The following DPP4 variants were observed in gnomAD, a reference collection of about 807,000 sequenced individuals.
The protein encoded by DPP4 is ADCP-2.
A neutral mutation model predicts 122.4 loss-of-function variants in DPP4; 93 were observed. The observed-to-expected ratio is 0.76, with a 90% confidence interval of 0.64 to 0.90. DPP4 has a LOEUF of 0.90. Ranked by LOEUF, DPP4 falls within the 40% of genes least tolerant of loss-of-function variation. The probability of loss-of-function intolerance (pLI) is 0.00; values close to 1 mark genes in which losing one functional copy is unlikely to be tolerated. For missense variants in DPP4, 914 were observed against 907.3 expected (o/e 1.01, Z -0.09); for synonymous variants, 321 against 302.9 (o/e 1.06, Z -0.62).
chr2:162,059,095 A>G (rs1684671782), intron 2 of DPP4, among the ~76,000 whole-genome samples: 1 of 152,224 alleles, frequency 6.6e-6, no homozygotes, highest in South Asian at 2.1e-4. Context: ...ACATGTTGGT[A>G]AAGAAATGCA....
intron 10 of DPP4, among the ~76,000 whole-genome samples, chr2:162,029,763 G>C (rs527329003): frequency 8.5e-5 from 13 of 152,088 alleles, no homozygotes; most frequent in Admixed American, 2.0e-4. Context: ...CAGATGTTGG[G>C]TGGGGTTACT....
At chr2:161,995,863 T>C (rs1390697538) in intron 23 of DPP4, among the ~76,000 whole-genome samples, 1 of 152,176 alleles carries the variant, frequency 6.6e-6, no homozygotes, top group African/African-American at 2.4e-5. Flanking sequence ...TGAACTTTGG[T>C]CCACATTGCT....
intron 2 of DPP4, among the ~76,000 whole-genome samples, chr2:162,066,043 G>C (rs1684935761): frequency 6.6e-6 from 1 of 152,102 alleles, no homozygotes; most frequent in South Asian, 2.1e-4. Context: ...CCTTGAAAGG[G>C]GAAGGCTGAT....
chr2:162,070,224 G>A (rs1446856436), intron 2 of DPP4, among the ~76,000 whole-genome samples: 1 of 152,148 alleles, frequency 6.6e-6, no homozygotes, highest in Admixed American at 6.5e-5. Flanking sequence ...ACAGAAGAGG[G>A]TGAACTTTTG....
chr2:162,035,508 T>C (rs1484098137), intron 8 of DPP4, among the ~76,000 whole-genome samples, 184 bp from the exon 9 acceptor site: 1 of 152,200 alleles, frequency 6.6e-6, no homozygotes, highest in Non-Finnish European at 1.5e-5. Flanking sequence ...TTCAAGGATA[T>C]ATCTGGATTG....
Position 162,038,419 on chromosome 2 carries a change from A to G in DPP4, c.496T>C (p.Tyr166His), listed in dbSNP as rs1683865395. Residue 166 changes from tyrosine (Y) to histidine (H), a missense_variant, in exon 8 of 26, where the codon TAT becomes CAT. Physicochemically the swap from Tyr to His is moderately conservative, Grantham distance 83. Transcript: ENST00000360534. ...TWSPVGHKLA[Y>H]VWNNDIYVKI... is the part of the protein sequence containing the mutation. The stretch of plus-strand genomic sequence containing the variant: ...ACATAAATGTCATTGTTCCAAACAT[A>G]TGCCTAGAAGGAAAAAAAACAAGCA... 1 of 1,598,860 alleles carries G rather than the reference A, an allele frequency of 6.3e-7. No individual in the cohort carries two copies. Among genetic ancestry groups the G allele is most frequent in the South Asian group, 1.1e-5 (1 of 87,532 alleles).
chr2:161,994,089 C>T (rs968935039), intron 25 of DPP4, among the ~76,000 whole-genome samples: 2 of 151,956 alleles, frequency 1.3e-5, no homozygotes, highest in Admixed American at 6.6e-5. Flanking sequence ...AAGTCATTAC[C>T]GGGCAAACAT....
At chr2:162,043,584 C>T (rs1032905130) in intron 5 of DPP4, among the ~76,000 whole-genome samples, 2 of 152,158 alleles carry the variant, frequency 1.3e-5, no homozygotes, top group Non-Finnish European at 2.9e-5. Context: ...CATCAAATGG[C>T]TTTTGTTGAA....
At chr2:162,060,641 TA>T (rs1260966705) in intron 2 of DPP4, among the ~76,000 whole-genome samples, 1 of 152,202 alleles carries the variant, frequency 6.6e-6, no homozygotes, top group African/African-American at 2.4e-5. Context: ...ATTCCTCCTT[TA>T]CAGCAAAAGC....
chr2:162,058,383 G>A (rs1186297958), intron 2 of DPP4, among the ~76,000 whole-genome samples: 1 of 152,100 alleles, frequency 6.6e-6, no homozygotes, highest in Non-Finnish European at 1.5e-5. Context: ...ATAGCAATCT[G>A]TAACCAACAA....
At chr2:162,060,492 G>A (rs529223029) in intron 2 of DPP4, among the ~76,000 whole-genome samples, 27 of 152,150 alleles carry the variant, frequency 1.8e-4, no homozygotes, top group South Asian at 2.1e-4. Flanking sequence ...AAGTAGTCAC[G>A]TAAGCTTTAA....
At chr2:161,994,384 T>C (rs972823415) in intron 25 of DPP4, among the ~76,000 whole-genome samples, 1 of 152,132 alleles carries the variant, frequency 6.6e-6, no homozygotes, top group Non-Finnish European at 1.5e-5. Flanking sequence ...ATGCAGAAAA[T>C]GAATTTGACA....
chr2:162,031,583 C>A (rs900974416), intron 10 of DPP4, among the ~76,000 whole-genome samples: 54 of 152,140 alleles, frequency 3.5e-4, no homozygotes, highest in African/African-American at 1.1e-3. Context: ...CTTTTCCATA[C>A]TCTGTTTTTT....
intron 18 of DPP4, 138 bp from the exon 19 acceptor site, chr2:162,014,603 C>T (rs190737560): frequency 1.2e-4 from 70 of 607,512 alleles, no homozygotes; most frequent in Non-Finnish European, 1.7e-4. Context: ...AAATGAACTG[C>T]TTGGATTCAG....
At chr2:162,045,207 A>T (rs955107966) in intron 5 of DPP4, among the ~76,000 whole-genome samples, 1 of 152,166 alleles carries the variant, frequency 6.6e-6, no homozygotes, top group African/African-American at 2.4e-5. Context: ...GGGTTCTGTC[A>T]TTAGGTGTAC....
In DPP4 at chr2:162,016,872, GAAAT is replaced by G. The variant is rs1286558685; in HGVS notation, c.1469-10_1469-7del. On this transcript the variant is annotated splice_region_variant and splice_polypyrimidine_tract_variant and intron_variant, in intron 17 of 25. Coordinates refer to ENST00000360534, the MANE Select transcript of DPP4 (RefSeq NM_001935.4). Reference sequence around the variant, plus strand: ...GTCTTCCAGGACTCTCAGCCCTAAAGAAATACAGGAGACAGCAGTCATTCATTAC... The same window carrying G: ...GTCTTCCAGGACTCTCAGCCCTAAAGACAGGAGACAGCAGTCATTCATTAC... The G allele has an allele frequency of 6.2e-7, 1 of 1,606,574 alleles. No homozygotes were observed. Among genetic ancestry groups the G allele is most frequent in the Non-Finnish European group, 8.5e-7 (1 of 1,177,384 alleles).
At chr2:162,007,664 G>A (rs1016365792) in intron 22 of DPP4, among the ~76,000 whole-genome samples, 2 of 152,004 alleles carry the variant, frequency 1.3e-5, no homozygotes, top group African/African-American at 2.4e-5. Context: ...CCAAAAACAA[G>A]CCATCCAACA....
In DPP4 at chr2:161,993,378, TATACCAC is replaced by T; in HGVS notation, c.2200-1_2205del. The T allele has an allele frequency of 6.2e-7, 1 of 1,608,794 alleles. No homozygotes were observed. The highest frequency in any genetic ancestry group is 8.5e-7 in the Non-Finnish European group (1 of 1,175,492). On this transcript the variant is annotated splice_acceptor_variant and coding_sequence_variant, in exon 26 of 26. Transcript: ENST00000360534. LOFTEE classifies it high-confidence loss of function. Reference sequence around the variant, plus strand: ...CTAGCTATTCCATGGTCTTCATCAGTATACCACTAGAGAGAGAAAGAAAAGAAGTTAG... The same window carrying T: ...CTAGCTATTCCATGGTCTTCATCAGTTAGAGAGAGAAAGAAAAGAAGTTAG...
chr2:162,018,416 T>C (rs778263603), intron 16 of DPP4, among the ~76,000 whole-genome samples: 18 of 152,216 alleles, frequency 1.2e-4, no homozygotes, highest in Non-Finnish European at 2.1e-4. Flanking sequence ...CATTTTCTCA[T>C]TGAAAGGGAC....
Sources: allele counts gnomAD v4.1 joint callset (sites outside exome capture counted in the v4.1 genomes callset), GRCh38; gene constraint gnomAD v4.1.1; transcripts MANE v1.5; gene names NCBI Gene and HGNC (gene_info 2026-07-23, HGNC 2026-07-21).